The following TNFRSF21 variants were observed in gnomAD, a reference collection of about 807,000 sequenced individuals.
TNFRSF21 encodes the protein TNF receptor superfamily member 21.
In TNFRSF21, 19 loss-of-function variants were observed where a neutral mutation model predicts 45.6. The ratio of observed to expected loss-of-function variants is 0.42; its 90% CI spans 0.29 to 0.61. TNFRSF21 has a LOEUF of 0.61. Among genes scored for constraint, TNFRSF21 ranks in the 20% least tolerant of loss-of-function variants. TNFRSF21 has a pLI of 0.23. For synonymous variants in TNFRSF21, 314 were observed against 335.5 expected (o/e 0.94, Z 0.70); for missense variants, 737 against 851.5 (o/e 0.87, Z 1.67).
chr6:47,234,008 T>G (rs887825723), intron 5 of TNFRSF21, among the ~76,000 whole-genome samples: 9 of 152,218 alleles, frequency 5.9e-5, no homozygotes, highest in Admixed American at 2.6e-4. Flanking sequence ...TTCTTTTTTT[T>G]GGGACAAAGT....
intron 1 of TNFRSF21, among the ~76,000 whole-genome samples, chr6:47,287,334 A>AG (rs71305757): frequency 1.2e-4 from 17 of 145,462 alleles, no homozygotes; most frequent in African/African-American, 4.0e-4. Flanking sequence ...AAAAAAAAAA[A>AG]GAAAAGAAAA....
intron 1 of TNFRSF21, 121 bp downstream of exon 1, chr6:47,309,295 T>C (rs1397107490): frequency 2.2e-6 from 3 of 1,373,502 alleles, no homozygotes. Context: ...TCAGTGCCCG[T>C]AACCCAGTCG....
chr6:47,278,456 G>A, intron 3 of TNFRSF21, among the ~76,000 whole-genome samples: 1 of 152,226 alleles, frequency 6.6e-6, no homozygotes, highest in Non-Finnish European at 1.5e-5. Flanking sequence ...TACTTAAGAT[G>A]TGGCTGGTGC....
intron 3 of TNFRSF21, among the ~76,000 whole-genome samples, chr6:47,264,797 AGTGGGAT>A (rs1448473282): frequency 6.6e-6 from 1 of 152,184 alleles, no homozygotes; most frequent in Non-Finnish European, 1.5e-5. Context: ...TGGAAAAGGC[AGTGGGAT>A]GGGGGCGGGG....
At chr6:47,240,648 G>A (rs1400311230) in intron 4 of TNFRSF21, among the ~76,000 whole-genome samples, 3 of 152,134 alleles carry the variant, frequency 2.0e-5, no homozygotes, top group Non-Finnish European at 4.4e-5. Flanking sequence ...GATTACAAGC[G>A]ATCACATGAC....
At chr6:47,294,135 G>A (rs960607835) in intron 1 of TNFRSF21, among the ~76,000 whole-genome samples, 2 of 152,092 alleles carry the variant, frequency 1.3e-5, no homozygotes, top group African/African-American at 2.4e-5. Context: ...TGAGTGCACA[G>A]GTTTTTTGTT....
chr6:47,272,987 A>T (rs1002810677), intron 3 of TNFRSF21, among the ~76,000 whole-genome samples: 4 of 152,352 alleles, frequency 2.6e-5, no homozygotes, highest in Admixed American at 2.6e-4. Context: ...CTCTGAATAG[A>T]CCAATAACAG....
At chr6:47,266,509 T>A (rs3800552) in intron 3 of TNFRSF21, among the ~76,000 whole-genome samples, 51,161 of 152,012 alleles carry the variant, frequency 0.34, 8,778 homozygotes, top group African/African-American at 0.36. Context: ...TCCTAAAATA[T>A]AACTTAGTTC....
intron 3 of TNFRSF21, among the ~76,000 whole-genome samples, chr6:47,270,044 A>G (rs1762393179): frequency 6.6e-6 from 1 of 152,240 alleles, no homozygotes; most frequent in Non-Finnish European, 1.5e-5. Context: ...AACAAATTAC[A>G]AAGATGCACT....
chr6:47,300,514 TA>T (rs1561953570), intron 1 of TNFRSF21, among the ~76,000 whole-genome samples: 1 of 152,224 alleles, frequency 6.6e-6, no homozygotes, highest in African/African-American at 2.4e-5. Flanking sequence ...AGTGAGTTTT[TA>T]TTTTTTTTAA....
intron 1 of TNFRSF21, among the ~76,000 whole-genome samples, chr6:47,303,414 C>T (rs1015430536): frequency 6.6e-6 from 1 of 152,208 alleles, no homozygotes; most frequent in African/African-American, 2.4e-5. Context: ...ACACCCTGCT[C>T]AGTCCCACAC....
In TNFRSF21 at chr6:47,233,005, G is replaced by T. The variant is rs2113840616; in HGVS notation, c.1739-11C>A. On this transcript the variant is annotated splice_polypyrimidine_tract_variant and intron_variant, in intron 5 of 5. Transcript: ENST00000296861. ...CTGTGTCCTTCTTTTCTGCAGAGAA[G>T]AGAGGGAAGCAAAGACAGCTGTAAG... 6.2e-7 allele frequency: 1 copy of T among 1,613,460 alleles called. No homozygotes were observed. Among genetic ancestry groups the T allele is most frequent in the East Asian group, 2.2e-5 (1 of 44,884 alleles).
chr6:47,274,796 AAAAC>A (rs1229432682), intron 3 of TNFRSF21, among the ~76,000 whole-genome samples: 5 of 152,270 alleles, frequency 3.3e-5, no homozygotes, highest in South Asian at 2.1e-4. Context: ...TTACAAGAAA[AAAAC>A]AAACAACCCC....
intron 3 of TNFRSF21, among the ~76,000 whole-genome samples, chr6:47,281,555 A>AT (rs1762567408): frequency 6.6e-6 from 1 of 152,014 alleles, no homozygotes; most frequent in Non-Finnish European, 1.5e-5. Context: ...TAATTACTGT[A>AT]TTTTTAGTAG....
intron 4 of TNFRSF21, among the ~76,000 whole-genome samples, chr6:47,236,494 C>G (rs1042126258): frequency 2.6e-5 from 4 of 152,210 alleles, no homozygotes; most frequent in African/African-American, 9.7e-5. Flanking sequence ...GCTTCTTTTA[C>G]AAATTTTAAG....
At chr6:47,306,807 T>C (rs1402002285) in intron 1 of TNFRSF21, among the ~76,000 whole-genome samples, 2 of 152,106 alleles carry the variant, frequency 1.3e-5, no homozygotes, top group South Asian at 2.1e-4. Context: ...TTAAAAGACA[T>C]AATAAATAGA....
chr6:47,292,907 G>C (rs766136440), intron 1 of TNFRSF21, among the ~76,000 whole-genome samples: 1 of 152,166 alleles, frequency 6.6e-6, no homozygotes, highest in Non-Finnish European at 1.5e-5. Context: ...AAAGGGGACT[G>C]TCCATACATA....
At position 47,241,361 on chromosome 6, in the gene TNFRSF21, TA is replaced by T. The variant is rs1399426088; in HGVS notation, c.1510-6464del. ...AAAAATAAAAACAAATACATCACCC[TA>T]AAAAAAAAGTTTCAGATGATGAGAG... is the stretch of plus-strand genomic sequence containing the variant. On this transcript the variant is annotated intron_variant, in intron 4 of 5. Transcript: ENST00000296861. Among the ~76,000 whole-genome samples the T allele has an allele frequency of 4.0e-5, 6 of 151,044 alleles. No homozygotes were observed. The South Asian group carries it at 6.3e-4, about 16-fold the overall frequency.
chr6:47,297,946 A>T (rs1762813371), intron 1 of TNFRSF21, among the ~76,000 whole-genome samples: 1 of 152,228 alleles, frequency 6.6e-6, no homozygotes, highest in Non-Finnish European at 1.5e-5. Flanking sequence ...TAGAGCAAAC[A>T]AAGAAACAAA....
Sources: gnomAD v4.1 joint callset for allele counts (sites outside exome capture counted in the v4.1 genomes callset) on GRCh38, gnomAD v4.1.1 for gene constraint, MANE v1.5 for transcripts, NCBI Gene and HGNC (gene_info 2026-07-23, HGNC 2026-07-21) for gene names.